Variants in TTC34 observed in about 807,000 individuals in gnomAD.
The protein encoded by TTC34 is tetratricopeptide repeat protein 34.
In TTC34, 44 loss-of-function variants were observed where a neutral mutation model predicts 40.7. The ratio of observed to expected loss-of-function variants is 1.08; its 90% CI spans 0.85 to 1.39. The LOEUF (loss-of-function observed/expected upper bound fraction) is 1.39, where lower values mean the gene tolerates loss of function less well. Among genes scored for constraint, TTC34 ranks in the 40% most tolerant of loss-of-function variants. TTC34 has a pLI of 0.00. For synonymous variants in TTC34, 422 were observed against 398.6 expected, an observed-to-expected ratio of 1.06 and a Z score of -0.70; for missense variants, 884 against 838.0, an observed-to-expected ratio of 1.05 and a Z score of -0.68.
At position 2,700,165 on chromosome 1, in the gene TTC34, C is replaced by T. The variant is rs1408569287; in HGVS notation, c.2227-54602G>A. 2.0e-5 allele frequency among the ~76,000 whole-genome samples: 2 copies of T among 99,494 alleles called. 1 individual carries two copies. Among genetic ancestry groups the T allele is most frequent in the Non-Finnish European group, 4.7e-5 (2 of 42,238 alleles). 65.3% of individuals were successfully genotyped at this position (99,494 alleles called of 152,430 possible). On this transcript the variant is annotated intron_variant, in intron 6 of 8. Coordinates refer to ENST00000401095, the Ensembl canonical transcript of TTC34. ...GAGCATCGGACATCCTGGAGCATCACATACTCCCCCAGGTGAGCATCCGAC... is the reference window on the plus strand; with the variant it reads ...GAGCATCGGACATCCTGGAGCATCATATACTCCCCCAGGTGAGCATCCGAC...
chr1:2,751,885 C>T (rs1362209743), intron 6 of TTC34, among the ~76,000 whole-genome samples: 2 of 96,880 alleles, frequency 2.1e-5, no homozygotes, highest in Non-Finnish European at 4.0e-5. Context: ...GAGCAGCACC[C>T]ACACCCCCAG....
At chr1:2,768,047 C>G (rs1199980508) in intron 6 of TTC34, among the ~76,000 whole-genome samples, 1 of 151,304 alleles carries the variant, frequency 6.6e-6, no homozygotes, top group Non-Finnish European at 1.5e-5. Context: ...CCCCACAACC[C>G]CAGGTGATCA....
At chr1:2,653,671 C>T (rs1639232789) in intron 6 of TTC34, among the ~76,000 whole-genome samples, 1 of 151,226 alleles carries the variant, frequency 6.6e-6, no homozygotes, top group Admixed American at 6.6e-5. Context: ...CATCTGACAG[C>T]CTGGAACAGC....
chr1:2,780,405 AG>A (rs1291537493), intron 6 of TTC34, among the ~76,000 whole-genome samples: 1 of 152,170 alleles, frequency 6.6e-6, no homozygotes, highest in East Asian at 1.9e-4. Flanking sequence ...CTTACTTCTA[AG>A]AATTTTATAG....
At chr1:2,650,589 G>A (rs569585922) in intron 6 of TTC34, among the ~76,000 whole-genome samples, 10 of 151,358 alleles carry the variant, frequency 6.6e-5, no homozygotes, top group Non-Finnish European at 1.5e-4. Flanking sequence ...ACTACCCTGA[G>A]GTGAGAATCT....
intron 6 of TTC34, among the ~76,000 whole-genome samples, chr1:2,695,011 C>G (rs796981688): frequency 1.3e-5 from 2 of 151,022 alleles, no homozygotes; most frequent in African/African-American, 4.9e-5. Context: ...GAGGATCTGA[C>G]AGCCTGGAAC....
chr1:2,683,458 G>T (rs1640172414), intron 6 of TTC34, among the ~76,000 whole-genome samples: 3 of 150,088 alleles, frequency 2.0e-5, no homozygotes, highest in Admixed American at 6.7e-5. Context: ...CGACAGCCTG[G>T]AGCAGCACCC....
intron 6 of TTC34, among the ~76,000 whole-genome samples, chr1:2,655,831 G>C (rs1639324498): frequency 1.3e-5 from 2 of 152,160 alleles, no homozygotes; most frequent in African/African-American, 2.4e-5. Flanking sequence ...GTGAACATCG[G>C]AGAGTCTGGA....
chr1:2,787,799 T>C (rs2100627187), intron 3 of TTC34, 93 bp from the exon 4 acceptor site: 1 of 1,120,734 alleles, frequency 8.9e-7, no homozygotes, highest in Non-Finnish European at 1.3e-6. Context: ...CGTCTCCATG[T>C]ACCTGGCCTG....
intron 6 of TTC34, among the ~76,000 whole-genome samples, chr1:2,748,000 C>CA: frequency 1.5e-5 from 1 of 67,758 alleles, no homozygotes; most frequent in Non-Finnish European, 2.5e-5. Context: ...GCACCCACAC[C>CA]CCAGGTGAGG....
chr1:2,794,413 G>A (rs979678945), intron 2 of TTC34, among the ~76,000 whole-genome samples: 1 of 152,128 alleles, frequency 6.6e-6, no homozygotes, highest in Non-Finnish European at 1.5e-5. Context: ...ATGGGACACA[G>A]GGCATCTATT....
At chr1:2,789,102 A>G (rs1643628798) in intron 3 of TTC34, among the ~76,000 whole-genome samples, 1 of 152,110 alleles carries the variant, frequency 6.6e-6, no homozygotes. Flanking sequence ...AAAACAAAAC[A>G]AAACAAACCA....
chr1:2,797,267 A>G (rs1412860445), intron 2 of TTC34, among the ~76,000 whole-genome samples: 1 of 151,230 alleles, frequency 6.6e-6, no homozygotes, highest in Non-Finnish European at 1.5e-5. Context: ...GGCAGCTAAT[A>G]CTGCCATCCT....
chr1:2,781,285 A>G (rs943600257), intron 6 of TTC34, among the ~76,000 whole-genome samples: 4 of 152,222 alleles, frequency 2.6e-5, no homozygotes, highest in African/African-American at 7.2e-5. Flanking sequence ...AACCAATCCC[A>G]TGTGTATACC....
intron 6 of TTC34, among the ~76,000 whole-genome samples, chr1:2,675,074 C>A (rs1331138765): frequency 1.6e-5 from 2 of 126,424 alleles, no homozygotes; most frequent in African/African-American, 5.6e-5. Context: ...AGGAGCAGTG[C>A]CCACACACCC....
At chr1:2,681,741 A>C (rs1389412149) in intron 6 of TTC34, among the ~76,000 whole-genome samples, 3 of 107,788 alleles carry the variant, frequency 2.8e-5, no homozygotes, top group Admixed American at 1.8e-4. Flanking sequence ...AGCGGAACCC[A>C]CGGCCACAGG....
At chr1:2,693,865 AC>A (rs1250706826) in intron 6 of TTC34, among the ~76,000 whole-genome samples, 41 of 113,830 alleles carry the variant, frequency 3.6e-4, no homozygotes, top group Non-Finnish European at 5.9e-4. Flanking sequence ...CAGAACCCAC[AC>A]CCCCAGGTGA....
In TTC34 at chr1:2,754,220, C is replaced by A. The variant is rs1185760169; in HGVS notation, c.2226+29389G>T. Among the ~76,000 whole-genome samples the A allele has an allele frequency of 1.1e-4, 7 of 61,084 alleles. 3 individuals are homozygous for A. Among genetic ancestry groups the A allele is most frequent in the African/African-American group, 2.7e-4 (2 of 7,544 alleles). 40.1% of individuals were successfully genotyped at this position (61,084 alleles called of 152,430 possible). A position where few individuals can be genotyped will look rare whatever the true frequency, so the allele number is the denominator to read the frequency against. On this transcript the variant is annotated intron_variant, in intron 6 of 8. Coordinates refer to ENST00000401095, the Ensembl canonical transcript of TTC34. ...ACAGCCTGGAACAGAACCCACACCC[C>A]CAGGTGAGCATCTGACAGACTGCAA...
intron 3 of TTC34, 38 bp from the exon 4 acceptor site, chr1:2,787,744 G>A: frequency 6.8e-7 from 1 of 1,463,038 alleles, no homozygotes; most frequent in Non-Finnish European, 9.2e-7. Flanking sequence ...TGCCCCTTTT[G>A]ACAACCCCTC....
Sources: allele counts gnomAD v4.1 joint callset (sites outside exome capture counted in the v4.1 genomes callset), GRCh38; gene constraint gnomAD v4.1.1; transcripts MANE v1.5; gene names NCBI Gene and HGNC (gene_info 2026-07-23, HGNC 2026-07-21).